The following CEP128 variants were observed in gnomAD, a reference collection of about 807,000 sequenced individuals.
CEP128 encodes centrosomal protein 128kDa.
A neutral mutation model predicts 156.7 loss-of-function variants in CEP128; 132 were observed. The observed-to-expected ratio is 0.84, with a 90% CI of 0.73 to 0.97. The LOEUF (loss-of-function observed/expected upper bound fraction) is 0.97. Ranked by LOEUF, CEP128 falls within the 50% of genes least tolerant of loss-of-function variation. The pLI, the probability that CEP128 is intolerant of heterozygous loss-of-function variation, is 0.00. For synonymous variants in CEP128, 469 were observed against 448.9 expected (o/e 1.04, Z -0.57); for missense variants, 1,252 against 1,281.9 (o/e 0.98, Z 0.36).
intron 13 of CEP128, chr14:80,822,843 G>A: frequency 2.9e-6 from 2 of 692,932 alleles, no homozygotes; most frequent in Middle Eastern, 8.7e-4. Flanking sequence ...TGACTGCACA[G>A]TTTGAAATAC....
intron 8 of CEP128, among the ~76,000 whole-genome samples, chr14:80,869,473 T>C (rs1051173319): frequency 6.6e-6 from 1 of 152,026 alleles, no homozygotes; most frequent in African/African-American, 2.4e-5. Flanking sequence ...GGGAGTTTTA[T>C]GGCAATAAAT....
intron 23 of CEP128, among the ~76,000 whole-genome samples, chr14:80,508,388 C>G (rs1888084428): frequency 6.6e-6 from 1 of 151,958 alleles, no homozygotes; most frequent in African/African-American, 2.4e-5. Context: ...ATACATTTTC[C>G]CAGGTCTTAC....
At chr14:80,916,592 G>A in intron 2 of CEP128, 30 bp from the exon 3 acceptor site, 1 of 1,544,534 alleles carries the variant, frequency 6.5e-7, no homozygotes, top group Non-Finnish European at 8.9e-7. Context: ...CAAAGTTAAT[G>A]AAACAGTAAA....
At chr14:80,922,929 C>A (rs1374647926) in intron 2 of CEP128, among the ~76,000 whole-genome samples, 1 of 152,198 alleles carries the variant, frequency 6.6e-6, no homozygotes, top group Non-Finnish European at 1.5e-5. Flanking sequence ...AGTGAACACT[C>A]TTCTGCAGCT....
chr14:80,643,302 T>C (rs781236675), intron 19 of CEP128, among the ~76,000 whole-genome samples: 13 of 152,268 alleles, frequency 8.5e-5, no homozygotes, highest in Non-Finnish European at 1.6e-4. Context: ...TACACAGCCC[T>C]GTGGGAGATG....
intron 19 of CEP128, among the ~76,000 whole-genome samples, chr14:80,682,624 C>T (rs1896367607): frequency 1.3e-5 from 2 of 152,072 alleles, no homozygotes; most frequent in African/African-American, 4.8e-5. Flanking sequence ...AAATGAATAT[C>T]ATCAAGGAAT....
chr14:80,710,544 A>T (rs1897364214), intron 19 of CEP128, among the ~76,000 whole-genome samples: 1 of 152,146 alleles, frequency 6.6e-6, no homozygotes, highest in African/African-American at 2.4e-5. Flanking sequence ...ATTTATAAGT[A>T]TTAAAGAAAT....
intron 19 of CEP128, among the ~76,000 whole-genome samples, chr14:80,696,902 AC>A (rs1343175152): frequency 6.6e-6 from 1 of 151,752 alleles, no homozygotes; most frequent in Non-Finnish European, 1.5e-5. Context: ...CTGTGTTGTG[AC>A]AGAACAGACT....
At chr14:80,730,496 G>A (rs1898224771) in intron 19 of CEP128, among the ~76,000 whole-genome samples, 2 of 152,164 alleles carry the variant, frequency 1.3e-5, no homozygotes, top group Non-Finnish European at 2.9e-5. Context: ...AGACATGACT[G>A]TTTTAACAGG....
chr14:80,836,122 C>G, intron 12 of CEP128, 83 bp downstream of exon 12: 2 of 1,289,012 alleles, frequency 1.6e-6, no homozygotes, highest in East Asian at 4.6e-5. Context: ...GAATGCAATT[C>G]TGAGGATGAA....
intron 2 of CEP128, among the ~76,000 whole-genome samples, chr14:80,926,760 C>G (rs1199945506): frequency 6.6e-6 from 1 of 152,226 alleles, no homozygotes; most frequent in African/African-American, 2.4e-5. Flanking sequence ...ATTACAATAT[C>G]TGCAGGCACA....
intron 15 of CEP128, among the ~76,000 whole-genome samples, chr14:80,778,506 T>C (rs1900923747): frequency 6.6e-6 from 1 of 152,214 alleles, no homozygotes. Context: ...AACATTCCTG[T>C]TCACCTTCAC....
intron 2 of CEP128, among the ~76,000 whole-genome samples, chr14:80,917,889 T>C (rs558479266): frequency 2.2e-4 from 33 of 152,328 alleles, no homozygotes; most frequent in African/African-American, 7.9e-4. Context: ...AGGTTTTTTT[T>C]AAATGAAATA....
chr14:80,599,374 G>A (rs923198351), intron 19 of CEP128, among the ~76,000 whole-genome samples: 3 of 144,328 alleles, frequency 2.1e-5, no homozygotes, highest in Admixed American at 7.4e-5. Context: ...CCAGGTTCAC[G>A]CCATTCTCCT....
rs778575359 is a variant in CEP128, at chr14:80,914,389, C to T, written c.167G>A (p.Arg56Gln). ...STLQDTSRNLRQVDQMLGRYR... is the reference protein window; with the variant it reads ...STLQDTSRNLQQVDQMLGRYR... The stretch of plus-strand genomic sequence containing the variant: ...TCGTCCAAGCATCTGGTCCACTTGT[C>T]GCAGGTTCCGACTGGTATCCTTGAG... Residue 56 changes from arginine to glutamine, a missense_variant, in exon 4 of 25, where the codon CGA becomes CAA. Coordinates refer to ENST00000555265, the MANE Select transcript of CEP128 (RefSeq NM_152446.5). 1.1e-5 allele frequency: 18 copies of T among 1,613,450 alleles called. No individual in the cohort carries two copies. Among genetic ancestry groups the T allele is most frequent in the Admixed American group, 3.3e-5 (2 of 59,976 alleles).
chr14:80,595,153 T>C (rs993006387), intron 19 of CEP128, among the ~76,000 whole-genome samples: 2 of 152,156 alleles, frequency 1.3e-5, no homozygotes, highest in Non-Finnish European at 2.9e-5. Context: ...ATAAAAAGGA[T>C]GAGTTCATGT....
intron 16 of CEP128, among the ~76,000 whole-genome samples, chr14:80,777,456 T>G (rs1900856035): frequency 6.6e-6 from 1 of 152,224 alleles, no homozygotes; most frequent in Admixed American, 6.5e-5. Flanking sequence ...TAAATTTCTG[T>G]TGTTTTTCTT....
chr14:80,570,752 G>A (rs1471355382), intron 20 of CEP128, among the ~76,000 whole-genome samples: 1 of 151,730 alleles, frequency 6.6e-6, no homozygotes, highest in Non-Finnish European at 1.5e-5. Context: ...TTTTTTATTA[G>A]CATCAGGGTG....
rs531590700 is a variant in CEP128, at chr14:80,585,310, C to T, written c.2807-4887G>A. Among the ~76,000 whole-genome samples the T allele has an allele frequency of 2.1e-3, 326 of 152,330 alleles. 2 individuals carry two copies. The highest frequency in any genetic ancestry group is 4.5e-3 in the Admixed American group (69 of 15,302). On this transcript the variant is annotated intron_variant, in intron 19 of 24. Coordinates refer to ENST00000555265, the MANE Select transcript of CEP128 (RefSeq NM_152446.5). ...TATATCTCTTCCTCTGCAGTCTTTG[C>T]AACCAGTGATCTGGCTGTTTAAGGA...
Sources: allele counts gnomAD v4.1 joint callset (sites outside exome capture counted in the v4.1 genomes callset), GRCh38; gene constraint gnomAD v4.1.1; transcripts MANE v1.5; gene names NCBI Gene and HGNC (gene_info 2026-07-23, HGNC 2026-07-21).